The following MLLT6 variants were observed in gnomAD, a reference collection of about 807,000 sequenced individuals.
The protein encoded by MLLT6 is MLLT6, PHD finger containing.
MLLT6 carries 22 observed loss-of-function variants against 103.0 expected under a neutral mutation model. That is an observed-to-expected ratio of 0.21 (90% CI 0.15 to 0.31). The LOEUF is 0.31. MLLT6 is among the 10% of genes least tolerant of loss of function. The pLI is 1.00. For missense variants in MLLT6, 1,199 were observed against 1,441.7 expected, an observed-to-expected ratio of 0.83 and a Z score of 2.73; for synonymous variants, 606 against 623.5, an observed-to-expected ratio of 0.97 and a Z score of 0.42.
At chr17:38,722,879 A>G (rs1905838821) in intron 18 of MLLT6, 111 bp downstream of exon 18, 1 of 817,926 alleles carries the variant, frequency 1.2e-6, no homozygotes, top group Non-Finnish European at 2.0e-6. Context: ...AGTGAGGGGA[A>G]GCTCTAGGCT....
intron 2 of MLLT6, 93 bp downstream of exon 2, chr17:38,707,122 G>A (rs1904964630): frequency 1.8e-6 from 2 of 1,115,632 alleles, no homozygotes; most frequent in Admixed American, 2.3e-5. Context: ...CCGAGGCTAG[G>A]GTGGGATTTA....
chr17:38,720,300 G>GCCCCCCCCCCCCGGCC, intron 14 of MLLT6, 72 bp from the exon 15 acceptor site: 14 of 726,382 alleles, frequency 1.9e-5, no homozygotes, highest in East Asian at 3.0e-5. Flanking sequence ...TCCCCTCCAG[G>GCCCCCCCCCCCCGGCC]CCCCGCCCCC....
rs1376329024 is a variant in MLLT6, at chr17:38,709,456, C to T, written c.459-26C>T. 5.6e-6 allele frequency: 9 copies of T among 1,596,316 alleles called. No homozygotes were observed. Among genetic ancestry groups the T allele is most frequent in the Admixed American group, 1.7e-5 (1 of 60,008 alleles). ...GGCTCATGTGATCTGTGGCCTCAGC[C>T]GTCTCAGGCTGCCTTCTCTGGTTAG... On this transcript the variant is annotated intron_variant, in intron 5 of 19. Coordinates refer to ENST00000621332, the MANE Select transcript of MLLT6 (RefSeq NM_005937.4). This position sits in a 1 kb window ranked among gnomAD's most constrained non-coding sequence, Gnocchi z 4.3.
At chr17:38,723,710 CAAACA>C (rs981756149) in intron 18 of MLLT6, among the ~76,000 whole-genome samples, 4 of 148,586 alleles carry the variant, frequency 2.7e-5, no homozygotes, top group Non-Finnish European at 4.5e-5. Flanking sequence ...ATGATAGAAG[CAAACA>C]AAACAAAAGA....
chr17:38,715,932 C>T (rs1905322529), intron 9 of MLLT6, 104 bp downstream of exon 9: 1 of 1,011,144 alleles, frequency 9.9e-7, no homozygotes, highest in Admixed American at 2.4e-5. Flanking sequence ...TCATTTACTT[C>T]TCCATTGGTT....
chr17:38,719,583 T>G lies in MLLT6; in HGVS notation c.2009T>G (p.Met670Arg). The stretch of plus-strand genomic sequence containing the variant: ...TCCCCTCAGGAGAGTCTGTCTTCCA[T>G]GTGAGGGAAGGGGCAGCCTGGAGGA... ...GTSPQESLSS[M>R]SPISSLPALF... The change falls in exon 13 of 20, where the codon ATG becomes AGG. Residue 670 changes from methionine (M) to arginine (R), a missense_variant and splice_region_variant. Met to Arg is a moderately conservative substitution (Grantham distance 91). Coordinates refer to ENST00000621332, the MANE Select transcript of MLLT6 (RefSeq NM_005937.4). 1 of 1,605,604 alleles carries G rather than the reference T, an allele frequency of 6.2e-7. No individual in the cohort carries two copies. Among genetic ancestry groups the G allele is most frequent in the Non-Finnish European group, 8.5e-7 (1 of 1,175,736 alleles).
rs548090595 is a variant in MLLT6, at chr17:38,709,417, G to A, written c.459-65G>A. On this transcript the variant is annotated intron_variant, in intron 5 of 19. Transcript: ENST00000621332. The surrounding 1 kb of genome is among the most constrained non-coding windows in gnomAD (Gnocchi z 4.3). The stretch of plus-strand genomic sequence containing the variant: ...CTTCGCCTCAGCAGGGGGCCAGGAG[G>A]GTGAGAGGAAGGTGGCTCATGTGAT... The A allele has an allele frequency of 4.0e-6, 6 of 1,481,702 alleles. No individual in the cohort carries two copies. Among genetic ancestry groups the A allele is most frequent in the East Asian group, 2.3e-5 (1 of 44,214 alleles). 91.8% of individuals were successfully genotyped at this position (1,481,702 alleles called of 1,614,324 possible).
At position 38,725,567 on chromosome 17, in the gene MLLT6, A is replaced by G. The variant is rs145698748; in HGVS notation, c.3251A>G (p.Lys1084Arg). Reference sequence around the variant, plus strand: ...TCCCTCTCTTTCCAGACCGCTGACAAAGGAGCCTCAGCCAACCAGGAAAAA... The same window carrying G: ...TCCCTCTCTTTCCAGACCGCTGACAGAGGAGCCTCAGCCAACCAGGAAAAA... ...GGGPKGGTADKGASANQEKG is the reference protein window; with the variant it reads ...GGGPKGGTADRGASANQEKG Residue 1084 changes from lysine (K) to arginine (R), a missense_variant, in exon 20 of 20, where the codon AAA (lysine) becomes AGA (arginine). Around this residue, in one of 7 missense-constraint regions of MLLT6, gnomAD observed 55 missense variants for 93.3 expected, o/e 0.59. Coordinates refer to ENST00000621332, the MANE Select transcript of MLLT6 (RefSeq NM_005937.4). 2.9e-5 allele frequency: 47 copies of G among 1,603,508 alleles called. No individual in the cohort carries two copies. Among genetic ancestry groups the G allele is most frequent in the African/African-American group, 1.2e-4 (9 of 73,848 alleles).
At chr17:38,721,594 C>T (rs1391280946) in intron 16 of MLLT6, among the ~76,000 whole-genome samples, 1 of 152,198 alleles carries the variant, frequency 6.6e-6, no homozygotes, top group Non-Finnish European at 1.5e-5. Context: ...ACAGGTCAAG[C>T]CCTCAGCCCA....
rs550890117 is a variant in MLLT6, at chr17:38,727,560, T to C, written c.*1962T>C. On this transcript the variant is annotated 3_prime_UTR_variant, in exon 20 of 20. Coordinates refer to ENST00000621332, the MANE Select transcript of MLLT6 (RefSeq NM_005937.4). The stretch of plus-strand genomic sequence containing the variant: ...GCTCACGCCTGTAATCCCAACACTT[T>C]GGGAGGCTGAGGCGGGCGGATCACT... 2 of 199,554 alleles carry C rather than the reference T, an allele frequency of 1.0e-5. No homozygotes were observed. Among genetic ancestry groups the C allele is most frequent in the South Asian group, 1.9e-4 (1 of 5,216 alleles). 12.4% of individuals were successfully genotyped at this position (199,554 alleles called of 1,614,324 possible). A position where few individuals can be genotyped will look rare whatever the true frequency, so the allele number is the denominator to read the frequency against.
In MLLT6 at chr17:38,719,856, C is replaced by T; in HGVS notation, c.2116C>T (p.Leu706Phe). Residue 706 changes from leucine to phenylalanine, a missense_variant, in exon 14 of 20, where the codon CTT (leucine) becomes TTT (phenylalanine). Transcript: ENST00000621332. ...AAPGTTNMEQLLEKQGDGEAG... is the reference protein window; with the variant it reads ...AAPGTTNMEQFLEKQGDGEAG... The stretch of plus-strand genomic sequence containing the variant: ...CCCAGGGACGACTAACATGGAGCAG[C>T]TTCTGGAGAAGCAGGGCGACGGGGA... The T allele has an allele frequency of 6.2e-7, 1 of 1,609,028 alleles. No homozygotes were observed. The highest frequency in any genetic ancestry group is 8.5e-7 in the Non-Finnish European group (1 of 1,178,144).
chr17:38,708,015 C>G, intron 4 of MLLT6, 143 bp downstream of exon 4: 1 of 631,504 alleles, frequency 1.6e-6, no homozygotes, highest in Non-Finnish European at 2.9e-6. Context: ...TACCAGTGAA[C>G]CACCCTTCTG....
intron 2 of MLLT6, 130 bp downstream of exon 2, chr17:38,707,159 C>T: frequency 1.4e-6 from 1 of 716,764 alleles, no homozygotes; most frequent in Non-Finnish European, 2.3e-6. Flanking sequence ...TTCCTGTTTC[C>T]TGCACACCTA....
rs1906032751 is a variant in MLLT6 at position 38,726,373 on chromosome 17, G to A, written c.*775G>A. ...TGTGTGAGTGTGTGTGTGCGTGCATGTGTGTGTGTGTGTGTGTGTGTGTGT... is the reference window on the plus strand; with the variant it reads ...TGTGTGAGTGTGTGTGTGCGTGCATATGTGTGTGTGTGTGTGTGTGTGTGT... On this transcript the variant is annotated 3_prime_UTR_variant, in exon 20 of 20. Transcript: ENST00000621332. The A allele has an allele frequency of 2.2e-5, 3 of 134,226 alleles. No homozygotes were observed. Among genetic ancestry groups the A allele is most frequent in the Non-Finnish European group, 4.5e-5 (3 of 67,012 alleles). 8.3% of individuals were successfully genotyped at this position (134,226 alleles called of 1,614,324 possible). A position where few individuals can be genotyped will look rare whatever the true frequency, so the allele number is the denominator to read the frequency against.
At chr17:38,715,858 G>A (rs2143686477) in intron 9 of MLLT6, 30 bp downstream of exon 9, 1 of 1,555,410 alleles carries the variant, frequency 6.4e-7, no homozygotes, top group Non-Finnish European at 8.7e-7. Context: ...AGGAAGCTGG[G>A]AGCAGGGAAA....
rs1431866457 is a variant in MLLT6 at position 38,709,981 on chromosome 17, G to A, written c.552+406G>A. ...GTCCCCCCACCAACCCTAAGAACTAGGTGTGCTATATTTTCCCCATTTTAC... is the reference window on the plus strand; with the variant it reads ...GTCCCCCCACCAACCCTAAGAACTAAGTGTGCTATATTTTCCCCATTTTAC... On this transcript the variant is annotated intron_variant, in intron 6 of 19. Transcript: ENST00000621332. This position sits in a 1 kb window ranked among gnomAD's most constrained non-coding sequence, Gnocchi z 4.3. 6.6e-6 allele frequency among the ~76,000 whole-genome samples: 1 copy of A among 152,190 alleles called. No individual in the cohort carries two copies. Among genetic ancestry groups the A allele is most frequent in the African/African-American group, 2.4e-5 (1 of 41,454 alleles).
chr17:38,715,528 T>C, intron 8 of MLLT6, 84 bp from the exon 9 acceptor site: 2 of 1,481,150 alleles, frequency 1.4e-6, no homozygotes, highest in African/African-American at 1.4e-5. Context: ...AGCTAGGTCC[T>C]GTGCCCTCCT....
chr17:38,705,641 G>A lies in MLLT6; in HGVS notation c.9G>A (p.Glu3=). Residue 3 remains glutamate (E), a synonymous_variant, in exon 1 of 20, where the codon GAG becomes GAA. Coordinates refer to ENST00000621332, the MANE Select transcript of MLLT6 (RefSeq NM_005937.4). MK[E]MVGGCCVCSD... Reference sequence around the variant, plus strand: ...AGGGAGCTCATGGGAGTATGAAGGAGATGGTAGGAGGCTGCTGCGTATGTT... The same window carrying A: ...AGGGAGCTCATGGGAGTATGAAGGAAATGGTAGGAGGCTGCTGCGTATGTT... 1 of 1,561,606 alleles carries A rather than the reference G, an allele frequency of 6.4e-7. No individual in the cohort carries two copies. Among genetic ancestry groups the A allele is most frequent in the Non-Finnish European group, 8.7e-7 (1 of 1,151,570 alleles).
intron 10 of MLLT6, 145 bp downstream of exon 10, chr17:38,717,126 C>A: frequency 8.0e-7 from 1 of 1,248,690 alleles, no homozygotes; most frequent in Non-Finnish European, 1.1e-6. Context: ...TCAGGACATC[C>A]CCCTCTGCAT....
Sources: allele counts gnomAD v4.1 joint callset (sites outside exome capture counted in the v4.1 genomes callset), GRCh38; gene constraint gnomAD v4.1.1; regional missense constraint gnomAD v4.1.1; non-coding constraint Gnocchi (gnomAD v3.1); transcripts MANE v1.5; gene names NCBI Gene and HGNC (gene_info 2026-07-23, HGNC 2026-07-21).